POU2AF2: variants seen among roughly 807,000 people sequenced by gnomAD.
POU2AF2 encodes the protein POU domain class 2-associating factor 2.
At chr11:111,281,784 A>T in the POU2AF2 span, among the ~76,000 whole-genome samples, 127 of 152,338 alleles carry the variant, frequency 8.3e-4, 1 homozygote, top group South Asian at 0.026. Context: ...CTGCGAGCAG[A>T]GGGAGTCAGG....
At chr11:111,281,250 C>A in the POU2AF2 span, 1 of 547,152 alleles carries the variant, frequency 1.8e-6, no homozygotes. Flanking sequence ...TACTTGAATT[C>A]TTATTCTCAG....
the POU2AF2 span, among the ~76,000 whole-genome samples, chr11:111,259,050 A>C: frequency 6.6e-6 from 1 of 152,222 alleles, no homozygotes; most frequent in African/African-American, 2.4e-5. Context: ...GAACTTAGCA[A>C]CCAAGCCCTA....
the POU2AF2 span, among the ~76,000 whole-genome samples, chr11:111,270,727 G>A: frequency 2.0e-5 from 3 of 152,196 alleles, no homozygotes; most frequent in Admixed American, 6.5e-5. Context: ...ACAAAGAAAA[G>A]AGGAAGAGAG....
the POU2AF2 span, among the ~76,000 whole-genome samples, chr11:111,259,543 T>C: frequency 1.3e-5 from 2 of 152,120 alleles, no homozygotes. Context: ...CTTGAACTCC[T>C]GACCTCAGGT....
chr11:111,274,576 AAG>A, the POU2AF2 span, among the ~76,000 whole-genome samples: 1 of 151,494 alleles, frequency 6.6e-6, no homozygotes, highest in Non-Finnish European at 1.5e-5. Flanking sequence ...GTAAGAAAGA[AAG>A]AGAGAGAAAG....
chr11:111,273,104 T>C, the POU2AF2 span, among the ~76,000 whole-genome samples: 32 of 152,332 alleles, frequency 2.1e-4, no homozygotes, highest in African/African-American at 7.5e-4. Context: ...TCAAAAGTAA[T>C]AAGATTTATA....
the POU2AF2 span, among the ~76,000 whole-genome samples, chr11:111,276,425 A>C: frequency 0.017 from 2,247 of 130,434 alleles, 83 homozygotes; most frequent in African/African-American, 0.063. Flanking sequence ...GTGAAACCCC[A>C]TCTCTACTAA....
chr11:111,255,822 G>A, the POU2AF2 span, among the ~76,000 whole-genome samples: 22 of 152,236 alleles, frequency 1.4e-4, no homozygotes, highest in East Asian at 3.9e-4. Context: ...CAGGAGACAC[G>A]GCTCTATTGA....
chr11:111,266,232 C>A, the POU2AF2 span, among the ~76,000 whole-genome samples: 1 of 152,090 alleles, frequency 6.6e-6, no homozygotes, highest in Non-Finnish European at 1.5e-5. Flanking sequence ...TTTAAAAAAT[C>A]TTCTGAGGGG....
chr11:111,286,274 GAT>G, the POU2AF2 span: 2 of 517,874 alleles, frequency 3.9e-6, no homozygotes, highest in South Asian at 5.9e-5. Flanking sequence ...ATTCTAGTAA[GAT>G]AACCTTACAA....
the POU2AF2 span, among the ~76,000 whole-genome samples, chr11:111,268,143 A>C: frequency 6.6e-6 from 1 of 152,222 alleles, no homozygotes; most frequent in African/African-American, 2.4e-5. Context: ...CACAGCCTCC[A>C]CAACCATCAG....
the POU2AF2 span, among the ~76,000 whole-genome samples, chr11:111,262,737 CAG>C: frequency 6.6e-6 from 1 of 152,178 alleles, no homozygotes; most frequent in Admixed American, 6.5e-5. Context: ...TCCATAAAAG[CAG>C]AGAGTTGGGC....
chr11:111,250,372 C>CA, the POU2AF2 span, among the ~76,000 whole-genome samples: 58 of 152,270 alleles, frequency 3.8e-4, no homozygotes, highest in African/African-American at 1.3e-3. Context: ...CTCTTCTGTC[C>CA]AAAAAATTTA....
chr11:111,263,667 G>A, the POU2AF2 span, among the ~76,000 whole-genome samples: 3 of 152,014 alleles, frequency 2.0e-5, no homozygotes, highest in African/African-American at 7.2e-5. Flanking sequence ...TCCTGACCTC[G>A]TGATCTGCCC....
At chr11:111,273,256 T>G in the POU2AF2 span, among the ~76,000 whole-genome samples, 2 of 152,170 alleles carry the variant, frequency 1.3e-5, no homozygotes, top group East Asian at 3.8e-4. Flanking sequence ...TGTTACAACC[T>G]AACATCAGTG....
chr11:111,248,008 C>G, the POU2AF2 span, among the ~76,000 whole-genome samples: 1 of 151,208 alleles, frequency 6.6e-6, no homozygotes, highest in Non-Finnish European at 1.5e-5. Context: ...CTCAGCCTCC[C>G]GAGTAGTTGG....
At chr11:111,255,515 G>A in the POU2AF2 span, among the ~76,000 whole-genome samples, 2 of 152,148 alleles carry the variant, frequency 1.3e-5, no homozygotes, top group Admixed American at 6.5e-5. Flanking sequence ...TCTTAGGAAC[G>A]TAATCTTCTT....
the POU2AF2 span, among the ~76,000 whole-genome samples, chr11:111,278,403 T>C: frequency 1.3e-5 from 2 of 152,206 alleles, no homozygotes; most frequent in African/African-American, 4.8e-5. Context: ...ACGTTTGCAT[T>C]CCCCTAAAAT....
the POU2AF2 span, among the ~76,000 whole-genome samples, chr11:111,282,035 A>T: frequency 6.6e-6 from 1 of 152,196 alleles, no homozygotes; most frequent in African/African-American, 2.4e-5. Flanking sequence ...GAATATTTAA[A>T]TGTCTGTATG....
Sources: allele counts gnomAD v4.1 joint callset (sites outside exome capture counted in the v4.1 genomes callset), GRCh38; gene constraint gnomAD v4.1.1; transcripts MANE v1.5; gene names NCBI Gene and HGNC (gene_info 2026-07-23, HGNC 2026-07-21).